The following PXDNL variants were observed in gnomAD, a reference collection of about 807,000 sequenced individuals.
PXDNL encodes the protein peroxidasin like.
PXDNL carries 145 observed loss-of-function variants against 150.8 expected under a neutral mutation model. The observed-to-expected ratio is 0.96, with a 90% CI of 0.84 to 1.10. PXDNL has a LOEUF of 1.10. Ranked by LOEUF, PXDNL falls within the 50% of genes least tolerant of loss-of-function variation. The pLI is 0.00. For missense variants in PXDNL, 2,087 were observed against 1,873.9 expected, an observed-to-expected ratio of 1.11 and a Z score of -2.10; for synonymous variants, 757 against 725.7, an observed-to-expected ratio of 1.04 and a Z score of -0.69.
At chr8:51,738,011 CACAA>C (rs984345620) in intron 1 of PXDNL, among the ~76,000 whole-genome samples, 2 of 152,126 alleles carry the variant, frequency 1.3e-5, no homozygotes, top group Non-Finnish European at 2.9e-5. Context: ...TGACTGGAAC[CACAA>C]ACAAAGGACT....
At chr8:51,471,186 G>T (rs1254749776) in intron 8 of PXDNL, among the ~76,000 whole-genome samples, 1 of 144,886 alleles carries the variant, frequency 6.9e-6, no homozygotes, top group Non-Finnish European at 1.5e-5. Context: ...GATATGAACA[G>T]ACACTTCTCA....
chr8:51,351,778 G>T (rs1220718306), intron 19 of PXDNL, among the ~76,000 whole-genome samples: 1 of 152,126 alleles, frequency 6.6e-6, no homozygotes, highest in Non-Finnish European at 1.5e-5. Flanking sequence ...CTTCCTCGTG[G>T]TTGTGTTACT....
At chr8:51,568,244 A>G (rs1812865717) in intron 3 of PXDNL, among the ~76,000 whole-genome samples, 1 of 151,802 alleles carries the variant, frequency 6.6e-6, no homozygotes, top group South Asian at 2.1e-4. Flanking sequence ...TTTCAGATCT[A>G]CATCATTTCC....
chr8:51,523,070 G>A (rs1811695283), intron 4 of PXDNL, among the ~76,000 whole-genome samples: 1 of 152,054 alleles, frequency 6.6e-6, no homozygotes, highest in African/African-American at 2.4e-5. Flanking sequence ...GTTTAAAATT[G>A]TATATATTCT....
intron 1 of PXDNL, among the ~76,000 whole-genome samples, chr8:51,779,505 G>T (rs1235825496): frequency 6.6e-6 from 1 of 152,216 alleles, no homozygotes; most frequent in Non-Finnish European, 1.5e-5. Context: ...ACAGAGAGGA[G>T]GGGATGGGGC....
intron 1 of PXDNL, among the ~76,000 whole-genome samples, chr8:51,759,528 C>A (rs951576808): frequency 6.6e-6 from 1 of 152,154 alleles, no homozygotes; most frequent in Non-Finnish European, 1.5e-5. Context: ...ACAAAATAGG[C>A]ACGCCCTAAA....
rs550096797 is a variant in PXDNL, at chr8:51,680,939, C to A, written c.165-26179G>T. ...CCACATTTCTAGAACTAACTGAACCCTAGAAGACCAGGGTTTTGGGATTTG... is the reference window on the plus strand; with the variant it reads ...CCACATTTCTAGAACTAACTGAACCATAGAAGACCAGGGTTTTGGGATTTG... On this transcript the variant is annotated intron_variant, in intron 1 of 22. Coordinates refer to ENST00000356297, the MANE Select transcript of PXDNL (RefSeq NM_144651.5). 3.9e-5 allele frequency among the ~76,000 whole-genome samples: 6 copies of A among 152,038 alleles called. No homozygotes were observed. The South Asian group carries it at 1.2e-3, about 32-fold the overall frequency.
At chr8:51,501,344 ACACTCT>A (rs1038792154) in intron 4 of PXDNL, among the ~76,000 whole-genome samples, 4 of 133,082 alleles carry the variant, frequency 3.0e-5, no homozygotes, top group Non-Finnish European at 4.7e-5. Flanking sequence ...ATACTGACAC[ACACTCT>A]CACATTGTCT....
intron 14 of PXDNL, among the ~76,000 whole-genome samples, chr8:51,419,155 C>T (rs564482777): frequency 2.0e-5 from 3 of 152,114 alleles, no homozygotes; most frequent in Non-Finnish European, 4.4e-5. Flanking sequence ...AAATGAGGTG[C>T]CACACAGACA....
At chr8:51,776,011 G>A (rs1377085810) in intron 1 of PXDNL, among the ~76,000 whole-genome samples, 1 of 152,146 alleles carries the variant, frequency 6.6e-6, no homozygotes, top group African/African-American at 2.4e-5. Flanking sequence ...GCCACTTTAG[G>A]AACGGCTGTC....
At chr8:51,350,884 A>C (rs1293487566) in intron 19 of PXDNL, among the ~76,000 whole-genome samples, 1 of 152,098 alleles carries the variant, frequency 6.6e-6, no homozygotes, top group African/African-American at 2.4e-5. Context: ...TACCCTCGCT[A>C]ACTTCCCAAA....
chr8:51,672,958 T>G (rs1483943208), intron 1 of PXDNL, among the ~76,000 whole-genome samples: 1 of 152,082 alleles, frequency 6.6e-6, no homozygotes, highest in Non-Finnish European at 1.5e-5. Flanking sequence ...AAAACAGGAT[T>G]AAATTCAGGA....
intron 20 of PXDNL, among the ~76,000 whole-genome samples, chr8:51,342,552 A>G (rs1251845497): frequency 6.6e-6 from 1 of 152,192 alleles, no homozygotes; most frequent in Non-Finnish European, 1.5e-5. Context: ...CACAATATGA[A>G]GAATAAAATC....
At chr8:51,633,978 G>GT (rs1350323372) in intron 2 of PXDNL, among the ~76,000 whole-genome samples, 1 of 152,094 alleles carries the variant, frequency 6.6e-6, no homozygotes, top group Non-Finnish European at 1.5e-5. Flanking sequence ...GAGCTCTATA[G>GT]TTTAATCAGG....
intron 17 of PXDNL, among the ~76,000 whole-genome samples, chr8:51,376,098 A>G (rs867875951): frequency 6.6e-6 from 1 of 152,212 alleles, no homozygotes; most frequent in South Asian, 2.1e-4. Context: ...TGTATGATTC[A>G]TATTCCCATA....
intron 4 of PXDNL, among the ~76,000 whole-genome samples, chr8:51,522,804 A>G (rs942085394): frequency 2.6e-5 from 4 of 152,184 alleles, no homozygotes; most frequent in Admixed American, 6.5e-5. Context: ...AGATCGTGCC[A>G]TTGAACTCTA....
intron 10 of PXDNL, among the ~76,000 whole-genome samples, chr8:51,449,714 G>A (rs983697681): frequency 4.6e-5 from 7 of 152,172 alleles, no homozygotes; most frequent in Non-Finnish European, 8.8e-5. Context: ...GATTCTGTCC[G>A]TGACTCTTTG....
intron 1 of PXDNL, among the ~76,000 whole-genome samples, chr8:51,733,812 A>AATATAT (rs9298461): frequency 3.6e-5 from 5 of 138,398 alleles, no homozygotes; most frequent in African/African-American, 1.1e-4. Context: ...TGTCTCAAAT[A>AATATAT]ATATATATAT....
At chr8:51,321,983 G>A (rs1477310651) in intron 21 of PXDNL, among the ~76,000 whole-genome samples, 1 of 152,136 alleles carries the variant, frequency 6.6e-6, no homozygotes, top group Non-Finnish European at 1.5e-5. Context: ...TAGGTCATGG[G>A]AGTGGGGCTC....
Sources: gnomAD v4.1 joint callset for allele counts (sites outside exome capture counted in the v4.1 genomes callset) on GRCh38, gnomAD v4.1.1 for gene constraint, MANE v1.5 for transcripts, NCBI Gene and HGNC (gene_info 2026-07-23, HGNC 2026-07-21) for gene names.